CARMIL1: variants seen among roughly 807,000 people sequenced by gnomAD.
CARMIL1 encodes capping protein regulator and myosin 1 linker 1, also known as F-actin-uncapping protein LRRC16A.
Under a neutral mutation model 177.1 loss-of-function variants are expected in CARMIL1, and 90 were observed. The ratio of observed to expected loss-of-function variants is 0.51; its 90% CI spans 0.43 to 0.61. The LOEUF is 0.61. Among genes scored for constraint, CARMIL1 ranks in the 20% least tolerant of loss-of-function variants. The probability of loss-of-function intolerance (pLI) is 0.00; values close to 1 mark genes in which losing one functional copy is unlikely to be tolerated. For synonymous variants in CARMIL1, 577 were observed against 606.2 expected (o/e 0.95, Z 0.71); for missense variants, 1,380 against 1,667.0 (o/e 0.83, Z 3.00).
At chr6:25,290,267 T>A (rs1022957984) in intron 2 of CARMIL1, among the ~76,000 whole-genome samples, 2 of 152,112 alleles carry the variant, frequency 1.3e-5, no homozygotes, top group Non-Finnish European at 2.9e-5. Context: ...GGCTAATTTT[T>A]GTACTTTTTG....
intron 12 of CARMIL1, among the ~76,000 whole-genome samples, chr6:25,485,191 C>T (rs1802508361): frequency 6.6e-6 from 1 of 152,156 alleles, no homozygotes; most frequent in African/African-American, 2.4e-5. Context: ...TCAGTGCCAC[C>T]TCTCCCTGAT....
intron 31 of CARMIL1, 22 bp downstream of exon 31, chr6:25,581,461 C>T: frequency 7.0e-6 from 11 of 1,579,308 alleles, no homozygotes; most frequent in Non-Finnish European, 9.5e-6. Flanking sequence ...GCAGGAGAGG[C>T]CCCATCTCTC....
intron 36 of CARMIL1, among the ~76,000 whole-genome samples, chr6:25,618,458 A>G (rs1163789540): frequency 2.0e-5 from 3 of 152,336 alleles, no homozygotes; most frequent in Middle Eastern, 3.4e-3. Flanking sequence ...TGTCTATACA[A>G]TAGACAAGAT....
chr6:25,610,022 T>G, intron 35 of CARMIL1, 28 bp from the exon 36 acceptor site: 1 of 1,606,862 alleles, frequency 6.2e-7, no homozygotes, highest in Non-Finnish European at 8.5e-7. Flanking sequence ...TGTGGAACAG[T>G]TTGATTCACG....
intron 33 of CARMIL1, among the ~76,000 whole-genome samples, chr6:25,602,434 T>C (rs1815510322): frequency 1.3e-5 from 2 of 152,252 alleles, no homozygotes; most frequent in African/African-American, 4.8e-5. Flanking sequence ...TAACAGTTTC[T>C]TTTTGGTGTA....
chr6:25,394,275 CA>C (rs1793159824), intron 2 of CARMIL1, among the ~76,000 whole-genome samples: 1 of 152,160 alleles, frequency 6.6e-6, no homozygotes, highest in African/African-American at 2.4e-5. Flanking sequence ...GTAGCCAGCA[CA>C]AAGCAGCACA....
At chr6:25,516,616 A>ATT (rs1269391364) in intron 21 of CARMIL1, among the ~76,000 whole-genome samples, 2 of 152,258 alleles carry the variant, frequency 1.3e-5, no homozygotes, top group Middle Eastern at 3.2e-3. Context: ...AAGGGAAGGC[A>ATT]GTGAAAGTTG....
At chr6:25,397,401 T>C (rs1196802949) in intron 2 of CARMIL1, among the ~76,000 whole-genome samples, 1 of 152,074 alleles carries the variant, frequency 6.6e-6, no homozygotes, top group Non-Finnish European at 1.5e-5. Context: ...TTCTTGATGG[T>C]TTTGGTAAAT....
intron 2 of CARMIL1, among the ~76,000 whole-genome samples, chr6:25,302,437 C>G (rs546144292): frequency 7.1e-4 from 108 of 152,328 alleles, no homozygotes; most frequent in African/African-American, 2.3e-3. Flanking sequence ...TCAGGATTCT[C>G]TTATTCTCCA....
intron 32 of CARMIL1, among the ~76,000 whole-genome samples, chr6:25,595,294 A>G (rs1288921656): frequency 6.6e-6 from 1 of 152,232 alleles, no homozygotes; most frequent in African/African-American, 2.4e-5. Context: ...CAAATTCAGG[A>G]ACAAACATAA....
At chr6:25,498,557 G>T (rs1803971429) in intron 16 of CARMIL1, among the ~76,000 whole-genome samples, 1 of 152,158 alleles carries the variant, frequency 6.6e-6, no homozygotes, top group African/African-American at 2.4e-5. Flanking sequence ...AGAAAAGTAG[G>T]AAGTATTTTC....
At chr6:25,613,199 T>G (rs917657274) in intron 36 of CARMIL1, among the ~76,000 whole-genome samples, 2 of 152,226 alleles carry the variant, frequency 1.3e-5, no homozygotes, top group Non-Finnish European at 2.9e-5. Context: ...CTTCCTATTC[T>G]CTTCCTTTAT....
In CARMIL1 at chr6:25,484,207, C is replaced by T. The variant is rs184310090; in HGVS notation, c.961+1864C>T. ...TCCATCACATTTGATTGTGTCTTAG[C>T]CTGTACATTTCTGGACAATAAGGGC... On this transcript the variant is annotated intron_variant, in intron 12 of 36. Coordinates refer to ENST00000329474, the MANE Select transcript of CARMIL1 (RefSeq NM_017640.6). 4.3e-4 allele frequency among the ~76,000 whole-genome samples: 65 copies of T among 152,312 alleles called. 1 individual carries two copies. Among genetic ancestry groups the T allele is most frequent in the African/African-American group, 1.4e-3 (60 of 41,568 alleles).
At chr6:25,368,890 A>G (rs1208804857) in intron 2 of CARMIL1, among the ~76,000 whole-genome samples, 1 of 152,208 alleles carries the variant, frequency 6.6e-6, no homozygotes, top group African/African-American at 2.4e-5. Flanking sequence ...ATTGATCAGT[A>G]TGTTATATAG....
At chr6:25,355,230 C>T (rs760868554) in intron 2 of CARMIL1, among the ~76,000 whole-genome samples, 4 of 152,192 alleles carry the variant, frequency 2.6e-5, no homozygotes, top group Non-Finnish European at 5.9e-5. Context: ...CAAGAAGGAA[C>T]TCTCAGTGGC....
intron 2 of CARMIL1, among the ~76,000 whole-genome samples, chr6:25,286,045 T>G (rs1344454189): frequency 1.3e-5 from 2 of 150,352 alleles, no homozygotes; most frequent in Non-Finnish European, 2.9e-5. Flanking sequence ...CTAATTTTGT[T>G]TATTTTTTGT....
At chr6:25,429,618 C>T (rs546897336) in intron 4 of CARMIL1, among the ~76,000 whole-genome samples, 12 of 152,104 alleles carry the variant, frequency 7.9e-5, no homozygotes, top group Admixed American at 2.0e-4. Flanking sequence ...AAAATAGATG[C>T]CCTTTATCTG....
chr6:25,581,502 G>A, intron 31 of CARMIL1, 63 bp downstream of exon 31: 1 of 1,460,484 alleles, frequency 6.8e-7, no homozygotes, highest in Non-Finnish European at 9.2e-7. Flanking sequence ...GGGAAAGTTG[G>A]AGGGTCTTGC....
intron 2 of CARMIL1, among the ~76,000 whole-genome samples, chr6:25,335,829 A>G (rs889063767): frequency 3.3e-5 from 5 of 152,232 alleles, no homozygotes; most frequent in Middle Eastern, 3.4e-3. Flanking sequence ...TATTGTCTCT[A>G]GTTTCTACAT....
Sources: gnomAD v4.1 joint callset for allele counts (sites outside exome capture counted in the v4.1 genomes callset) on GRCh38, gnomAD v4.1.1 for gene constraint, MANE v1.5 for transcripts, NCBI Gene and HGNC (gene_info 2026-07-23, HGNC 2026-07-21) for gene names.